Variants in HSPA12A observed in about 807,000 individuals in gnomAD.
HSPA12A encodes heat shock 70 kDa protein 12A.
A neutral mutation model predicts 69.2 loss-of-function variants in HSPA12A; 28 were observed. The ratio of observed to expected loss-of-function variants is 0.40; its 90% confidence interval spans 0.30 to 0.55. The LOEUF is 0.55. HSPA12A is among the 20% of genes least tolerant of loss of function. The pLI, the probability that HSPA12A is intolerant of heterozygous loss-of-function variation, is 0.38. For missense variants in HSPA12A, 686 were observed against 900.7 expected (o/e 0.76, Z 3.05); for synonymous variants, 345 against 370.5 (o/e 0.93, Z 0.79).
chr10:116,742,633 C>CCCCGCCCCGG (rs1851553446), upstream of HSPA12A: 3 of 1,030,218 alleles, frequency 2.9e-6, no homozygotes, highest in Non-Finnish European at 3.5e-6. Context: ...CCTCCCCGGG[C>CCCCGCCCCGG]CCCGCCCCGG....
intron 1 of HSPA12A, among the ~76,000 whole-genome samples, chr10:116,729,584 AAC>A (rs1851089971): frequency 6.6e-6 from 1 of 152,178 alleles, no homozygotes; most frequent in South Asian, 2.1e-4. Context: ...ACAGTCAATT[AAC>A]ACATTATTTT....
At chr10:116,827,517 G>A (rs572913807) in intron 2 of HSPA12A, 1 of 152,348 alleles carries the variant, frequency 6.6e-6, no homozygotes, top group African/African-American at 2.4e-5. Flanking sequence ...CAGTGCTGGT[G>A]CCACCACCAC....
chr10:116,740,348 G>T (rs1388370085), intron 1 of HSPA12A, among the ~76,000 whole-genome samples: 1 of 152,122 alleles, frequency 6.6e-6, no homozygotes, highest in Non-Finnish European at 1.5e-5. Flanking sequence ...ATAAGTGTAG[G>T]GGCCAGGGGC....
chr10:116,705,552 C>T (rs549083285), intron 2 of HSPA12A, among the ~76,000 whole-genome samples: 4 of 152,342 alleles, frequency 2.6e-5, no homozygotes, highest in South Asian at 4.1e-4. Context: ...AGACCGTGCC[C>T]GCACACGGCT....
At chr10:116,848,770 TC>T (rs1348181569) in intron 1 of HSPA12A, among the ~76,000 whole-genome samples, 1 of 152,072 alleles carries the variant, frequency 6.6e-6, no homozygotes, top group Non-Finnish European at 1.5e-5. Context: ...CCGTTTTACC[TC>T]CCCAAGTCCT....
At chr10:116,765,524 C>T (rs1253342212) in intron 2 of HSPA12A, among the ~76,000 whole-genome samples, 1 of 151,958 alleles carries the variant, frequency 6.6e-6, no homozygotes, top group African/African-American at 2.4e-5. Context: ...TTAAAATAGA[C>T]CTAGAAGTCC....
chr10:116,816,791 C>T (rs1430847316), intron 2 of HSPA12A, among the ~76,000 whole-genome samples: 2 of 152,188 alleles, frequency 1.3e-5, no homozygotes, highest in Non-Finnish European at 2.9e-5. Context: ...TCGCCAGTTT[C>T]TGGTACTATG....
intron 1 of HSPA12A, among the ~76,000 whole-genome samples, chr10:116,712,353 G>A (rs1268059893): frequency 6.6e-6 from 1 of 152,150 alleles, no homozygotes; most frequent in Non-Finnish European, 1.5e-5. Context: ...CAGCAATGTA[G>A]AGGACAAATA....
rs532860446 is a variant in HSPA12A at position 116,724,131 on chromosome 10, C to T, written c.41-16846G>A. Among the ~76,000 whole-genome samples the T allele has an allele frequency of 6.6e-5, 10 of 152,202 alleles. No homozygotes were observed. In the East Asian group the frequency reaches 1.7e-3, roughly 26 times the overall value. ...TCCTGGCTGTTTGATGTCAGGAAAC[C>T]ACTGGATCTTGAAAGTGGCTTTCTT... On this transcript the variant is annotated intron_variant, in intron 1 of 11. Transcript: ENST00000369209.
chr10:116,728,056 C>A (rs1445408722), intron 1 of HSPA12A, among the ~76,000 whole-genome samples: 1 of 152,068 alleles, frequency 6.6e-6, no homozygotes, highest in Non-Finnish European at 1.5e-5. Context: ...GATCTGCCCA[C>A]CTTGGCCTCC....
At position 116,710,729 on chromosome 10, in the gene HSPA12A, C is replaced by T. The variant is rs1477852613; in HGVS notation, c.41-3444G>A. ...TGGAGGGGTAACATTTTCAGAGATACCTGCACATGGTGCACACCCACATCT... is the reference window on the plus strand; with the variant it reads ...TGGAGGGGTAACATTTTCAGAGATATCTGCACATGGTGCACACCCACATCT... On this transcript the variant is annotated intron_variant, in intron 1 of 11. Transcript: ENST00000369209. The surrounding 1 kb of genome is among the most constrained non-coding windows in gnomAD (Gnocchi z 4.1). 2.2e-4 allele frequency among the ~76,000 whole-genome samples: 33 copies of T among 152,208 alleles called. No individual in the cohort carries two copies. The highest frequency in any genetic ancestry group is 1.4e-3 in the Admixed American group (21 of 15,286).
chr10:116,786,980 C>A (rs1160334305), intron 2 of HSPA12A, among the ~76,000 whole-genome samples: 1 of 109,088 alleles, frequency 9.2e-6, no homozygotes, highest in African/African-American at 3.3e-5. Flanking sequence ...CAATCACCTC[C>A]CGGACACACA....
At chr10:116,689,518 G>A (rs1385435913) in intron 6 of HSPA12A, among the ~76,000 whole-genome samples, 3 of 152,110 alleles carry the variant, frequency 2.0e-5, no homozygotes, top group Admixed American at 6.5e-5. Context: ...GTGAGCACTC[G>A]CAGAAGCTGC....
At chr10:116,770,750 G>A (rs965917107) in intron 2 of HSPA12A, among the ~76,000 whole-genome samples, 52 of 152,240 alleles carry the variant, frequency 3.4e-4, no homozygotes, top group African/African-American at 6.0e-4. Flanking sequence ...CCAGGTGCTC[G>A]GGACAGCCCT....
At chr10:116,772,248 T>C (rs1463605282) in intron 2 of HSPA12A, among the ~76,000 whole-genome samples, 2 of 152,102 alleles carry the variant, frequency 1.3e-5, no homozygotes, top group East Asian at 1.9e-4. Flanking sequence ...TGTGAAGCCA[T>C]TGAGTGGAGG....
At chr10:116,847,411 A>G (rs1216414542) in intron 1 of HSPA12A, among the ~76,000 whole-genome samples, 1 of 152,170 alleles carries the variant, frequency 6.6e-6, no homozygotes, top group Non-Finnish European at 1.5e-5. Flanking sequence ...GCTGCAAGTT[A>G]ACTTCCTAAA....
upstream of HSPA12A, among the ~76,000 whole-genome samples, chr10:116,743,409 C>G (rs1219106118): frequency 6.6e-6 from 1 of 152,222 alleles, no homozygotes; most frequent in African/African-American, 2.4e-5. Flanking sequence ...AATAGGAATC[C>G]GAGGAGCACC....
intron 6 of HSPA12A, among the ~76,000 whole-genome samples, chr10:116,688,376 G>C (rs1464953179): frequency 2.0e-5 from 3 of 152,200 alleles, no homozygotes; most frequent in Admixed American, 1.3e-4. Context: ...CCAAGAATTC[G>C]GGGCAGCAGG....
At chr10:116,849,667 G>A (rs1183358959) in exon 1 of HSPA12A, 2 of 1,549,834 alleles carry the variant, frequency 1.3e-6, no homozygotes, top group Admixed American at 3.9e-5. Context: ...GACGTTCCGC[G>A]CAGGCTGGAA....
Sources: gnomAD v4.1 joint callset for allele counts (sites outside exome capture counted in the v4.1 genomes callset) on GRCh38, gnomAD v4.1.1 for gene constraint, Gnocchi (gnomAD v3.1) non-coding constraint, MANE v1.5 for transcripts, NCBI Gene and HGNC (gene_info 2026-07-23, HGNC 2026-07-21) for gene names.